Variants in MYO1B observed in about 807,000 individuals in gnomAD.
MYO1B encodes the protein myosin IB.
In MYO1B, 72 loss-of-function variants were observed where a neutral mutation model predicts 159.7. The observed-to-expected ratio is 0.45, with a 90% CI of 0.37 to 0.55. The LOEUF is 0.55. Among genes scored for constraint, MYO1B ranks in the 20% least tolerant of loss-of-function variants. MYO1B has a pLI of 0.00. For synonymous variants in MYO1B, 468 were observed against 473.8 expected (o/e 0.99, Z 0.16); for missense variants, 1,062 against 1,364.8 (o/e 0.78, Z 3.50).
At chr2:191,410,094 T>A (rs1408897071) in intron 26 of MYO1B, among the ~76,000 whole-genome samples, 1 of 152,204 alleles carries the variant, frequency 6.6e-6, no homozygotes, top group Non-Finnish European at 1.5e-5. Flanking sequence ...ACAGCAAATT[T>A]GGCGAGGTTC....
intron 11 of MYO1B, among the ~76,000 whole-genome samples, chr2:191,366,043 C>T (rs1257091475): frequency 6.6e-6 from 1 of 152,168 alleles, no homozygotes; most frequent in Non-Finnish European, 1.5e-5. Context: ...GACACTGCTG[C>T]TGCTGCTGCT....
chr2:191,263,203 G>C (rs1386421143), intron 1 of MYO1B: 1 of 361,432 alleles, frequency 2.8e-6, no homozygotes, highest in East Asian at 1.6e-4. Context: ...CTGTATGGAA[G>C]CTGAGGCTGC....
At chr2:191,408,322 GA>G in intron 25 of MYO1B, 133 bp downstream of exon 25, 1 of 600,170 alleles carries the variant, frequency 1.7e-6, no homozygotes, top group Non-Finnish European at 2.9e-6. Flanking sequence ...TCATAGCTGT[GA>G]CACTGAGAGT....
intron 5 of MYO1B, among the ~76,000 whole-genome samples, chr2:191,345,930 T>C (rs1692538071): frequency 6.6e-6 from 1 of 152,192 alleles, no homozygotes; most frequent in Admixed American, 6.5e-5. Context: ...GGTCACTCAA[T>C]TGACTACTCT....
intron 27 of MYO1B, 55 bp from the exon 28 acceptor site, chr2:191,413,993 T>C: frequency 6.5e-7 from 1 of 1,539,768 alleles, no homozygotes; most frequent in Non-Finnish European, 8.7e-7. Flanking sequence ...TTCCTTTTTT[T>C]AGTGGTACTT....
chr2:191,255,103 T>C (rs1686358743), intron 1 of MYO1B, among the ~76,000 whole-genome samples: 1 of 151,840 alleles, frequency 6.6e-6, no homozygotes, highest in South Asian at 2.1e-4. Flanking sequence ...ATTTTTTACA[T>C]TTTTTTGTGG....
In MYO1B at chr2:191,390,285, CT is replaced by C; in HGVS notation, c.1782-4del. The stretch of plus-strand genomic sequence containing the variant: ...GTTTATAACCTAAAATCTTTGTGAT[CT>C]TTAAGGTGTATCAAACCGAATGATA... On this transcript the variant is annotated splice_polypyrimidine_tract_variant and splice_region_variant and intron_variant, in intron 17 of 30. Transcript: ENST00000392318. The C allele has an allele frequency of 6.2e-7, 1 of 1,610,388 alleles. No individual in the cohort carries two copies. Among genetic ancestry groups the C allele is most frequent in the Non-Finnish European group, 8.5e-7 (1 of 1,177,282 alleles).
At chr2:191,267,338 G>C (rs1454165018) in intron 1 of MYO1B, among the ~76,000 whole-genome samples, 1 of 152,094 alleles carries the variant, frequency 6.6e-6, no homozygotes, top group African/African-American at 2.4e-5. Context: ...CATACTATAT[G>C]GAAATTGCCC....
At chr2:191,247,810 T>C in intron 1 of MYO1B, 1 of 344,534 alleles carries the variant, frequency 2.9e-6, no homozygotes, top group Non-Finnish European at 4.1e-6. Flanking sequence ...CCTAAGTGGC[T>C]GGTCTCTGGT....
chr2:191,374,040 A>G (rs1363566584), intron 13 of MYO1B, among the ~76,000 whole-genome samples: 2 of 152,130 alleles, frequency 1.3e-5, no homozygotes, highest in East Asian at 3.8e-4. Flanking sequence ...CTGCTTTTTA[A>G]TACAGAGTTA....
At chr2:191,289,167 G>A (rs1688551650) in intron 2 of MYO1B, among the ~76,000 whole-genome samples, 1 of 152,098 alleles carries the variant, frequency 6.6e-6, no homozygotes, top group Non-Finnish European at 1.5e-5. Flanking sequence ...TGGTAAAATG[G>A]GAGGCTTTTG....
chr2:191,273,781 C>T (rs1687595566), intron 1 of MYO1B, among the ~76,000 whole-genome samples: 1 of 152,214 alleles, frequency 6.6e-6, no homozygotes, highest in Admixed American at 6.5e-5. Flanking sequence ...CCCCAGTGCT[C>T]TACATACATT....
intron 3 of MYO1B, among the ~76,000 whole-genome samples, chr2:191,318,733 C>T (rs1321143265): frequency 6.6e-6 from 1 of 152,204 alleles, no homozygotes; most frequent in Non-Finnish European, 1.5e-5. Context: ...GTAGCCACTT[C>T]TGAGATGTAT....
At chr2:191,414,812 C>T (rs995109073) in intron 29 of MYO1B, 143 bp downstream of exon 29, 67 of 764,382 alleles carry the variant, frequency 8.8e-5, no homozygotes, top group Non-Finnish European at 1.1e-4. Flanking sequence ...GTAAAATCTC[C>T]GACTCAGTTT....
intron 4 of MYO1B, among the ~76,000 whole-genome samples, chr2:191,330,425 A>T (rs1691395086): frequency 6.6e-6 from 1 of 152,232 alleles, no homozygotes; most frequent in Admixed American, 6.5e-5. Flanking sequence ...GTGAGGGAAG[A>T]TACCAGAAAA....
chr2:191,271,531 G>T (rs1687456821), intron 1 of MYO1B, among the ~76,000 whole-genome samples: 1 of 146,942 alleles, frequency 6.8e-6, no homozygotes. Flanking sequence ...AAAAAAAAAA[G>T]AAGTTCCTTC....
intron 2 of MYO1B, among the ~76,000 whole-genome samples, chr2:191,295,191 G>A (rs1205407529): frequency 6.6e-6 from 1 of 151,770 alleles, no homozygotes; most frequent in Non-Finnish European, 1.5e-5. Flanking sequence ...CTTTTATGAT[G>A]TTGAAACTGA....
intron 2 of MYO1B, among the ~76,000 whole-genome samples, chr2:191,282,988 G>A (rs1688155653): frequency 1.3e-5 from 2 of 152,236 alleles, no homozygotes; most frequent in South Asian, 4.1e-4. Flanking sequence ...TTTGGTGTTT[G>A]AAACGGAGAC....
At chr2:191,351,188 TA>T (rs78654761) in intron 7 of MYO1B, among the ~76,000 whole-genome samples, 52,471 of 139,258 alleles carry the variant, frequency 0.38, 9,149 homozygotes, top group South Asian at 0.5. Flanking sequence ...TGTTTAGACC[TA>T]AAAAAAAAAA....
Sources: allele counts gnomAD v4.1 joint callset (sites outside exome capture counted in the v4.1 genomes callset), GRCh38; gene constraint gnomAD v4.1.1; transcripts MANE v1.5; gene names NCBI Gene and HGNC (gene_info 2026-07-23, HGNC 2026-07-21).